Variants in DENND2B observed in about 807,000 individuals in gnomAD.
DENND2B encodes the protein DENN domain-containing protein 2B.
In DENND2B, 32 loss-of-function variants were observed where a neutral mutation model predicts 116.0. That is an observed-to-expected ratio of 0.28 (90% confidence interval 0.21 to 0.37). DENND2B has a LOEUF of 0.37. Ranked by LOEUF, DENND2B falls within the 10% of genes least tolerant of loss-of-function variation. The probability of loss-of-function intolerance (pLI) is 1.00; values close to 1 mark genes in which losing one functional copy is unlikely to be tolerated. For synonymous variants in DENND2B, 588 were observed against 583.9 expected, an observed-to-expected ratio of 1.01 and a Z score of -0.10; for missense variants, 1,276 against 1,477.7, an observed-to-expected ratio of 0.86 and a Z score of 2.24.
chr11:8,726,405 A>C (rs756370752), intron 3 of DENND2B, 196 bp from the exon 4 acceptor site: 26 of 613,426 alleles, frequency 4.2e-5, no homozygotes, highest in Non-Finnish European at 6.3e-5. Context: ...GGGTGCCTGC[A>C]ATGTGCCTTA....
chr11:8,831,256 A>G (rs1385560453), intron 4 of DENND2B, among the ~76,000 whole-genome samples: 1 of 152,190 alleles, frequency 6.6e-6, no homozygotes, highest in Non-Finnish European at 1.5e-5. Context: ...TAAAATGGGG[A>G]GGATTGTCAG....
At chr11:8,711,933 A>G (rs970016747) in intron 9 of DENND2B, 2 of 455,294 alleles carry the variant, frequency 4.4e-6, no homozygotes, top group African/African-American at 4.0e-5. Flanking sequence ...GAGGGGCTCC[A>G]TGCAGGTGTC....
At position 8,711,230 on chromosome 11, in the gene DENND2B, A is replaced by G; in HGVS notation, c.2174T>C (p.Leu725Pro). The change falls in exon 10 of 20, where the codon CTG (leucine) becomes CCG (proline). Residue 725 changes from leucine (L) to proline (P), a missense_variant and splice_region_variant. By Grantham distance (98) the Leu-to-Pro change is moderately conservative. Coordinates refer to ENST00000313726, the MANE Select transcript of DENND2B (RefSeq NM_213618.2). ...TCGCATCTGCTTGGTGGGTCGGTCC[A>G]GCTGCAGGGAAGAAGGAACCAGGAG... Reference protein sequence around the residue: ...LPEVSYQFPKLDRPTKQMREA... With the variant: ...LPEVSYQFPKPDRPTKQMREA... The G allele has an allele frequency of 6.2e-7, 1 of 1,613,714 alleles. No homozygotes were observed. The highest frequency in any genetic ancestry group is 1.3e-5 in the African/African-American group (1 of 75,042).
At chr11:8,770,935 A>G (rs1486508250) in intron 1 of DENND2B, among the ~76,000 whole-genome samples, 1 of 152,032 alleles carries the variant, frequency 6.6e-6, no homozygotes, top group Non-Finnish European at 1.5e-5. Context: ...CCAGTCTGAC[A>G]CTCATCTCCT....
At chr11:8,818,518 G>A (rs2061656361) in intron 4 of DENND2B, among the ~76,000 whole-genome samples, 1 of 152,108 alleles carries the variant, frequency 6.6e-6, no homozygotes, top group Non-Finnish European at 1.5e-5. Flanking sequence ...GCTGTAGGAA[G>A]TGTGAGCCCA....
At chr11:8,847,703 G>A (rs2062862396) in intron 3 of DENND2B, among the ~76,000 whole-genome samples, 1 of 152,156 alleles carries the variant, frequency 6.6e-6, no homozygotes, top group African/African-American at 2.4e-5. Flanking sequence ...GACTACGCAA[G>A]TGCTGGCTGC....
At chr11:8,786,009 G>A (rs767818803) in intron 1 of DENND2B, among the ~76,000 whole-genome samples, 4 of 152,160 alleles carry the variant, frequency 2.6e-5, no homozygotes, top group Admixed American at 6.5e-5. Context: ...TACAGAACTC[G>A]GGGTCTTGAA....
chr11:8,710,823 A>C, intron 11 of DENND2B, 22 bp downstream of exon 11: 1 of 1,611,340 alleles, frequency 6.2e-7, no homozygotes, highest in Middle Eastern at 1.7e-4. Context: ...TGCTGGCCTG[A>C]GGACCGAATG....
intron 1 of DENND2B, among the ~76,000 whole-genome samples, chr11:8,897,063 G>A (rs1740409662): frequency 6.6e-6 from 1 of 151,812 alleles, no homozygotes; most frequent in African/African-American, 2.4e-5. Flanking sequence ...ACATGGCGAA[G>A]CCCATCTCTA....
intron 1 of DENND2B, chr11:8,776,582 G>A (rs1243806085): frequency 4.0e-6 from 1 of 250,192 alleles, no homozygotes; most frequent in Non-Finnish European, 8.0e-6. Context: ...GTAGGGGTAA[G>A]GTGAGGGCAG....
At chr11:8,892,009 A>T (rs969584939) in intron 1 of DENND2B, among the ~76,000 whole-genome samples, 14 of 152,350 alleles carry the variant, frequency 9.2e-5, no homozygotes, top group African/African-American at 2.9e-4. Flanking sequence ...CTCCTCAGCA[A>T]ATGTAAAAGA....
At chr11:8,767,034 G>C (rs908340998) in intron 1 of DENND2B, among the ~76,000 whole-genome samples, 1 of 152,188 alleles carries the variant, frequency 6.6e-6, no homozygotes, top group Non-Finnish European at 1.5e-5. Flanking sequence ...GATGATCTCA[G>C]TCTGGCCAAG....
chr11:8,701,360 A>T (rs7948286), intron 14 of DENND2B, among the ~76,000 whole-genome samples: 1 of 5,848 alleles, frequency 1.7e-4, no homozygotes, highest in Non-Finnish European at 2.8e-4. Context: ...GGGGGGGGGG[A>T]GGGGCTACAT....
chr11:8,775,013 C>G (rs564538371), intron 1 of DENND2B, among the ~76,000 whole-genome samples: 6 of 151,772 alleles, frequency 4.0e-5, no homozygotes, highest in Non-Finnish European at 8.8e-5. Context: ...CCTGAGTAGC[C>G]GGGATTACAG....
intron 3 of DENND2B, among the ~76,000 whole-genome samples, chr11:8,843,911 C>G (rs1434858559): frequency 2.0e-5 from 3 of 152,202 alleles, no homozygotes; most frequent in African/African-American, 7.2e-5. Flanking sequence ...ATGGGCTTCC[C>G]TTGCATCTTC....
At chr11:8,900,635 A>G (rs1412455608) in intron 1 of DENND2B, among the ~76,000 whole-genome samples, 1 of 151,562 alleles carries the variant, frequency 6.6e-6, no homozygotes, top group Non-Finnish European at 1.5e-5. Context: ...CGTGACAAAT[A>G]AAGATGCATA....
chr11:8,709,906 G>T (rs747677641), intron 11 of DENND2B, among the ~76,000 whole-genome samples: 18 of 152,226 alleles, frequency 1.2e-4, no homozygotes, highest in Admixed American at 9.8e-4. Flanking sequence ...CCTGTAACAG[G>T]CCATCTAAAG....
chr11:8,872,167 G>A (rs2063791105), upstream of DENND2B, among the ~76,000 whole-genome samples: 1 of 152,110 alleles, frequency 6.6e-6, no homozygotes, highest in African/African-American at 2.4e-5. Flanking sequence ...TCAGCTGCAG[G>A]GCAAGCATCA....
chr11:8,884,138 C>A (rs2063932703), intron 1 of DENND2B, among the ~76,000 whole-genome samples: 1 of 152,194 alleles, frequency 6.6e-6, no homozygotes, highest in South Asian at 2.1e-4. Flanking sequence ...TCACTCCTTT[C>A]ATTCAGTTAC....
Sources: allele counts gnomAD v4.1 joint callset (sites outside exome capture counted in the v4.1 genomes callset), GRCh38; gene constraint gnomAD v4.1.1; transcripts MANE v1.5; gene names NCBI Gene and HGNC (gene_info 2026-07-23, HGNC 2026-07-21).